DYNLT5: variants seen among roughly 807,000 people sequenced by gnomAD.
DYNLT5 encodes dynein light chain Tctex-type family member 5.
DYNLT5 carries 25 observed loss-of-function variants against 19.3 expected under a neutral mutation model. That is an observed-to-expected ratio of 1.30 (90% CI 0.95 to 1.81). The LOEUF (loss-of-function observed/expected upper bound fraction) is 1.81, where lower values mean the gene tolerates loss of function less well. Among genes scored for constraint, DYNLT5 ranks in the 40% most tolerant of loss-of-function variants. The pLI is 0.00. For missense variants in DYNLT5, 232 were observed against 217.9 expected (o/e 1.06, Z -0.41); for synonymous variants, 82 against 68.9 (o/e 1.19, Z -0.94).
intron 2 of DYNLT5, among the ~76,000 whole-genome samples, chr1:66,765,444 A>T (rs2094653063): frequency 6.6e-6 from 1 of 152,106 alleles, no homozygotes; most frequent in South Asian, 2.1e-4. Context: ...TCTCAATAAT[A>T]ATTAGATGCT....
At chr1:66,757,241 C>T (rs2094637546) in intron 2 of DYNLT5, among the ~76,000 whole-genome samples, 1 of 152,196 alleles carries the variant, frequency 6.6e-6, no homozygotes. Context: ...TTTAGCCCTA[C>T]AGTCTTGGTT....
intron 2 of DYNLT5, among the ~76,000 whole-genome samples, chr1:66,768,127 G>A (rs923278916): frequency 3.3e-5 from 5 of 152,132 alleles, no homozygotes; most frequent in Non-Finnish European, 5.9e-5. Context: ...GATGATACAT[G>A]GTTAAATGAA....
intron 2 of DYNLT5, among the ~76,000 whole-genome samples, chr1:66,764,358 T>C (rs556175200): frequency 6.6e-6 from 1 of 152,326 alleles, no homozygotes; most frequent in African/African-American, 2.4e-5. Context: ...TGTGGGACTC[T>C]TCCTTTCACT....
At chr1:66,757,460 A>T (rs79969959) in intron 2 of DYNLT5, among the ~76,000 whole-genome samples, 2,409 of 152,314 alleles carry the variant, frequency 0.016, 72 homozygotes, top group African/African-American at 0.055. Flanking sequence ...AAACAGAAAC[A>T]TCTTAAGCTG....
intron 3 of DYNLT5, among the ~76,000 whole-genome samples, chr1:66,773,542 C>G (rs1011525555): frequency 7.2e-5 from 11 of 152,292 alleles, no homozygotes; most frequent in Admixed American, 1.3e-4. Flanking sequence ...CATGCAATAA[C>G]TACAATAACA....
At chr1:66,769,827 G>A (rs1186428755) in intron 2 of DYNLT5, among the ~76,000 whole-genome samples, 1 of 152,122 alleles carries the variant, frequency 6.6e-6, no homozygotes, top group African/African-American at 2.4e-5. Context: ...GCTTATTAAT[G>A]TATTATAGTT....
At chr1:66,753,198 T>G (rs1242337997) in intron 1 of DYNLT5, among the ~76,000 whole-genome samples, 1 of 152,188 alleles carries the variant, frequency 6.6e-6, no homozygotes, top group African/African-American at 2.4e-5. Context: ...ACAGCACCTC[T>G]GCTCTGACAT....
At chr1:66,772,031 G>A (rs1645207268) in intron 3 of DYNLT5, among the ~76,000 whole-genome samples, 1 of 151,948 alleles carries the variant, frequency 6.6e-6, no homozygotes, top group African/African-American at 2.4e-5. Flanking sequence ...CCTTTTTATA[G>A]CATTCAACCA....
At chr1:66,762,070 G>T (rs2094646883) in intron 2 of DYNLT5, among the ~76,000 whole-genome samples, 2 of 151,890 alleles carry the variant, frequency 1.3e-5, no homozygotes, top group South Asian at 2.1e-4. Context: ...TTGCTCATTT[G>T]TAAGAAGCAA....
intron 3 of DYNLT5, among the ~76,000 whole-genome samples, chr1:66,771,699 T>A (rs1305520497): frequency 6.6e-6 from 1 of 152,152 alleles, no homozygotes; most frequent in Non-Finnish European, 1.5e-5. Context: ...TAAGTTTGGG[T>A]CAGGTTTTCC....
In DYNLT5 at chr1:66,773,461, T is replaced by G. The variant is rs757352224; in HGVS notation, c.212-2818T>G. ...TCCTTCCTAATCCCACAGGCCTCAC[T>G]GTCTCCAGACTTACGTCCTCTTTCA... is the stretch of plus-strand genomic sequence containing the variant. On this transcript the variant is annotated intron_variant, in intron 3 of 4. Transcript: ENST00000282670. 9.1e-4 allele frequency among the ~76,000 whole-genome samples: 138 copies of G among 152,330 alleles called. No individual in the cohort carries two copies. The Middle Eastern group carries it at 0.01, about 11-fold the overall frequency.
At chr1:66,755,591 G>A (rs2094634779) in intron 2 of DYNLT5, 1 of 152,166 alleles carries the variant, frequency 6.6e-6, no homozygotes. Context: ...AGAACAGAGA[G>A]TAGAAGAACT....
intron 2 of DYNLT5, among the ~76,000 whole-genome samples, chr1:66,757,266 C>T (rs1380955389): frequency 2.0e-5 from 3 of 152,120 alleles, no homozygotes; most frequent in African/African-American, 7.2e-5. Context: ...TGTCTACAGT[C>T]TTCCACAGTT....
intron 1 of DYNLT5, 24 bp from the exon 2 acceptor site, chr1:66,754,632 T>C: frequency 6.3e-7 from 1 of 1,579,360 alleles, no homozygotes; most frequent in South Asian, 1.2e-5. Flanking sequence ...TCTTTTGCTA[T>C]TTTACAAAAG....
At position 66,777,779 on chromosome 1, in the gene DYNLT5, T is replaced by G. The variant is rs534678503; in HGVS notation, c.*325T>G. ...TAGAGTGTTACAATTTCCTGCATTG[T>G]TTTTTAATAAAAAGAAGCTTTAGAA... is the stretch of plus-strand genomic sequence containing the variant. On this transcript the variant is annotated 3_prime_UTR_variant, in exon 5 of 5. Coordinates refer to ENST00000282670, the MANE Select transcript of DYNLT5 (RefSeq NM_152665.3). The G allele has an allele frequency of 6.9e-5, 13 of 189,774 alleles. No homozygotes were observed. Among genetic ancestry groups the G allele is most frequent in the Middle Eastern group, 2.3e-3 (1 of 438 alleles). The allele number at this position is 189,774 out of a possible 1,614,324, so 11.8% of individuals were successfully genotyped here.
At chr1:66,761,138 A>C (rs2094645338) in intron 2 of DYNLT5, among the ~76,000 whole-genome samples, 1 of 152,198 alleles carries the variant, frequency 6.6e-6, no homozygotes, top group African/African-American at 2.4e-5. Flanking sequence ...AAAATACCTA[A>C]AAACTACAGG....
chr1:66,767,699 T>G (rs1645171725), intron 2 of DYNLT5, among the ~76,000 whole-genome samples: 1 of 152,218 alleles, frequency 6.6e-6, no homozygotes, highest in Non-Finnish European at 1.5e-5. Context: ...ATTTTTCTCT[T>G]ACATAAAATA....
intron 2 of DYNLT5, among the ~76,000 whole-genome samples, chr1:66,763,893 A>T (rs1458892753): frequency 6.6e-6 from 1 of 152,184 alleles, no homozygotes; most frequent in Admixed American, 6.5e-5. Flanking sequence ...AATTTCCTTC[A>T]AGAACTTTTC....
intron 1 of DYNLT5, among the ~76,000 whole-genome samples, chr1:66,753,249 C>A (rs1184787031): frequency 1.3e-5 from 2 of 152,194 alleles, no homozygotes; most frequent in Non-Finnish European, 1.5e-5. Flanking sequence ...GTGTGCCCTA[C>A]CTACTCAACT....
Sources: allele counts gnomAD v4.1 joint callset (sites outside exome capture counted in the v4.1 genomes callset), GRCh38; gene constraint gnomAD v4.1.1; transcripts MANE v1.5; gene names NCBI Gene and HGNC (gene_info 2026-07-23, HGNC 2026-07-21).